Variants in MNS1 observed in about 807,000 individuals in gnomAD.
MNS1 encodes the protein meiosis specific nuclear structural 1, also known as meiosis-specific nuclear structural protein 1.
A neutral mutation model predicts 72.0 loss-of-function variants in MNS1; 63 were observed. The observed-to-expected ratio is 0.87, with a 90% CI of 0.71 to 1.08. The LOEUF is 1.08. Among genes scored for constraint, MNS1 ranks in the 50% least tolerant of loss-of-function variants. MNS1 has a pLI of 0.00. For missense variants in MNS1, 604 were observed against 562.4 expected (o/e 1.07, Z -0.75); for synonymous variants, 188 against 172.1 (o/e 1.09, Z -0.72).
rs764321039 is a variant in MNS1 at position 56,443,511 on chromosome 15, C to A, written c.930G>T (p.Leu310=). 1 of 1,598,996 alleles carries A rather than the reference C, an allele frequency of 6.3e-7. No homozygotes were observed. Among genetic ancestry groups the A allele is most frequent in the Non-Finnish European group, 8.5e-7 (1 of 1,175,758 alleles). ...NALTQKLEEM[L]RQREDLEQVR... ...CTTGTTCCAAATCTTCACGTTGCCGCAGCATTTCTTCTAATTTCTGTGTCA... is the reference window on the plus strand; with the variant it reads ...CTTGTTCCAAATCTTCACGTTGCCGAAGCATTTCTTCTAATTTCTGTGTCA... Residue 310 remains leucine, a synonymous_variant, in exon 7 of 10, where the codon CTG becomes CTT. Transcript: ENST00000260453.
At chr15:56,452,292 A>T (rs970096094) in intron 3 of MNS1, among the ~76,000 whole-genome samples, 2 of 152,126 alleles carry the variant, frequency 1.3e-5, no homozygotes, top group Non-Finnish European at 2.9e-5. Flanking sequence ...CTAGGTGCAA[A>T]AGGCCTCTAC....
intron 2 of MNS1, among the ~76,000 whole-genome samples, chr15:56,460,760 TC>T (rs1441452624): frequency 1.3e-5 from 2 of 152,176 alleles, no homozygotes; most frequent in East Asian, 1.9e-4. Flanking sequence ...ACCCAAGTTT[TC>T]TTGAAATATT....
intron 2 of MNS1, among the ~76,000 whole-genome samples, chr15:56,461,816 T>C (rs1398328493): frequency 6.6e-6 from 1 of 151,416 alleles, no homozygotes; most frequent in Admixed American, 6.6e-5. Context: ...AGAGACAAAG[T>C]CAAAAACTAA....
chr15:56,449,327 T>A (rs528857958), intron 3 of MNS1, among the ~76,000 whole-genome samples: 1 of 152,252 alleles, frequency 6.6e-6, no homozygotes, highest in South Asian at 2.1e-4. Flanking sequence ...ACACTCTTTT[T>A]ATTAAATCAT....
intron 3 of MNS1, among the ~76,000 whole-genome samples, chr15:56,452,166 T>C (rs2050951792): frequency 6.6e-6 from 1 of 152,164 alleles, no homozygotes. Flanking sequence ...GATGATTCAC[T>C]AGGAGGATAC....
chr15:56,458,574 T>A (rs79579451), intron 2 of MNS1, among the ~76,000 whole-genome samples: 2,969 of 104,618 alleles, frequency 0.028, 107 homozygotes, highest in African/African-American at 0.1. Flanking sequence ...CACAATCATT[T>A]CACTACCCTA....
At chr15:56,463,782 A>G (rs2051038631) in intron 2 of MNS1, 1 of 264,046 alleles carries the variant, frequency 3.8e-6, no homozygotes, top group South Asian at 8.0e-5. Context: ...ACTCCATCCA[A>G]AAAAAAAAAA....
At position 56,443,467 on chromosome 15, in the gene MNS1, T is replaced by G; in HGVS notation, c.974A>C (p.Gln325Pro). Residue 325 changes from glutamine to proline, a missense_variant, in exon 7 of 10, where the codon CAG becomes CCG. Physicochemically the swap from Gln to Pro is moderately conservative, Grantham distance 76 (BLOSUM62 -1). Transcript: ENST00000260453. ...DLEQVRQELY[Q>P]EEQAEIYKSK... ...CTTATATATTTCAGCTTGTTCTTCC[T>G]GGTATAATTCTTGTCGCACTTGTTC... 1 of 1,595,018 alleles carries G rather than the reference T, an allele frequency of 6.3e-7. No individual in the cohort carries two copies. The highest frequency in any genetic ancestry group is 8.5e-7 in the Non-Finnish European group (1 of 1,174,746).
At chr15:56,464,904 G>C (rs1399588955) in intron 1 of MNS1, 66 bp downstream of exon 1, 1 of 1,603,848 alleles carries the variant, frequency 6.2e-7, no homozygotes, top group African/African-American at 1.3e-5. Flanking sequence ...TTTAGAAGCA[G>C]ATGAGCGCCA....
chr15:56,456,613 C>A, intron 2 of MNS1, 92 bp from the exon 3 acceptor site: 1 of 1,264,668 alleles, frequency 7.9e-7, no homozygotes, highest in South Asian at 1.4e-5. Context: ...AACTAAATGC[C>A]TTAAGGCCAA....
chr15:56,437,847 G>T (rs1252945995), intron 7 of MNS1, among the ~76,000 whole-genome samples: 9 of 152,090 alleles, frequency 5.9e-5, no homozygotes, highest in Non-Finnish European at 7.4e-5. Flanking sequence ...GCCAAATCAT[G>T]AGTGAACTCG....
intron 7 of MNS1, among the ~76,000 whole-genome samples, chr15:56,440,045 G>A (rs2050793540): frequency 6.6e-6 from 1 of 151,628 alleles, no homozygotes; most frequent in Non-Finnish European, 1.5e-5. Flanking sequence ...AATATATGAA[G>A]AACTCTCAAA....
intron 7 of MNS1, among the ~76,000 whole-genome samples, chr15:56,437,121 GAT>G (rs2050739505): frequency 6.6e-6 from 1 of 152,092 alleles, no homozygotes. Context: ...GCAGCATCCT[GAT>G]ACTTTGGTCG....
intron 9 of MNS1, chr15:56,430,106 C>CACTTGATTCTACTGAATAAA (rs1164373059): frequency 4.6e-5 from 7 of 152,138 alleles, no homozygotes; most frequent in Admixed American, 4.6e-4. Context: ...AATAAATATG[C>CACTTGATTCTACTGAATAAA]ACTTGATTCT....
At position 56,428,870 on chromosome 15, in the gene MNS1, T is replaced by C; in HGVS notation, c.*231A>G. ...GTCTTGAGGATGGGGATGCAAACAGTGCTCTGTAGTGTTGTAGAAATCGGA... is the reference window on the plus strand; with the variant it reads ...GTCTTGAGGATGGGGATGCAAACAGCGCTCTGTAGTGTTGTAGAAATCGGA... On this transcript the variant is annotated 3_prime_UTR_variant, in exon 10 of 10. Coordinates refer to ENST00000260453, the MANE Select transcript of MNS1 (RefSeq NM_018365.4). 2.2e-6 allele frequency: 1 copy of C among 458,992 alleles called. No individual in the cohort carries two copies. The highest frequency in any genetic ancestry group is 3.2e-5 in the South Asian group (1 of 30,824). The allele number at this position is 458,992 out of a possible 1,614,324, so 28.4% of individuals were successfully genotyped here.
chr15:56,456,463 A>G lies in MNS1; in HGVS notation c.284T>C (p.Met95Thr), dbSNP rs757311922. ...LQLKQEEKLAMELAKLKHESL... is the reference protein window; with the variant it reads ...LQLKQEEKLATELAKLKHESL... ...TTCATGTTTCAGTTTTGCCAATTCC[A>G]TAGCCAGTTTTTCTTCTTGTTTGAG... Residue 95 changes from methionine (M) to threonine (T), a missense_variant, in exon 3 of 10, where the codon ATG (methionine) becomes ACG (threonine). Met to Thr is a moderately conservative substitution (Grantham distance 81). Coordinates refer to ENST00000260453, the MANE Select transcript of MNS1 (RefSeq NM_018365.4). 8.7e-6 allele frequency: 14 copies of G among 1,612,402 alleles called. No homozygotes were observed. Among genetic ancestry groups the G allele is most frequent in the Admixed American group, 6.7e-5 (4 of 59,822 alleles).
At chr15:56,458,368 T>C (rs1390930428) in intron 2 of MNS1, among the ~76,000 whole-genome samples, 1 of 152,216 alleles carries the variant, frequency 6.6e-6, no homozygotes, top group Non-Finnish European at 1.5e-5. Context: ...TCCCTGTCCC[T>C]ACACATGCTC....
chr15:56,435,535 T>C (rs977341403), intron 7 of MNS1, among the ~76,000 whole-genome samples: 3 of 152,028 alleles, frequency 2.0e-5, no homozygotes, highest in Admixed American at 6.6e-5. Flanking sequence ...ACAGGAATAC[T>C]ACAAATTATT....
In MNS1 at chr15:56,453,752, T is replaced by G. The variant is rs1363396187; in HGVS notation, c.353+2642A>C. ...TAAAAACAGCAGCAAAGTTAAATTA[T>G]CTTTTAAGTACTTTCTTGGATTACA... On this transcript the variant is annotated intron_variant, in intron 3 of 9. Transcript: ENST00000260453. Among the ~76,000 whole-genome samples the G allele has an allele frequency of 6.6e-5, 10 of 152,292 alleles. No homozygotes were observed. In the East Asian group the frequency reaches 1.9e-3, roughly 29 times the overall value.
Sources: allele counts gnomAD v4.1 joint callset (sites outside exome capture counted in the v4.1 genomes callset), GRCh38; gene constraint gnomAD v4.1.1; transcripts MANE v1.5; gene names NCBI Gene and HGNC (gene_info 2026-07-23, HGNC 2026-07-21).